Variants in PUDP observed in about 807,000 individuals in gnomAD.
PUDP encodes the protein pseudouridine-5'-phosphatase.
Under a neutral mutation model 9.4 loss-of-function variants are expected in PUDP, and 8 were observed. That is an observed-to-expected ratio of 0.85 (90% CI 0.50 to 1.53). PUDP has a LOEUF of 1.53. Ranked by LOEUF, PUDP falls within the 40% of genes most tolerant of loss-of-function variation. PUDP has a pLI of 0.00. For synonymous variants in PUDP, 99 were observed against 80.7 expected (o/e 1.23, Z -1.22); for missense variants, 188 against 189.7 (o/e 0.99, Z 0.05).
At chrX:7,074,851 G>A (rs1389954042) in intron 3 of PUDP, among the ~76,000 whole-genome samples, 1 of 112,273 alleles carries the variant, frequency 8.9e-6, no homozygotes, top group African/African-American at 3.2e-5. Flanking sequence ...TGTTCCAGCC[G>A]CACCTGGAGG....
chrX:6,737,635 G>A (rs1168008527), intron 3 of PUDP, among the ~76,000 whole-genome samples: 2 of 110,644 alleles, frequency 1.8e-5, no homozygotes, highest in Non-Finnish European at 3.8e-5. Context: ...TGGGGCCACA[G>A]AAGTGATGGC....
intron 1 of PUDP, among the ~76,000 whole-genome samples, chrX:6,999,694 G>A (rs1053051354): frequency 9.1e-6 from 1 of 109,947 alleles, no homozygotes; most frequent in Admixed American, 9.7e-5. Context: ...ATATACTGCT[G>A]GGGTGATGGG....
chrX:6,895,016 C>A (rs1242977986), intron 3 of PUDP, among the ~76,000 whole-genome samples: 1 of 110,683 alleles, frequency 9.0e-6, no homozygotes, highest in Non-Finnish European at 1.9e-5. Flanking sequence ...ATGCTGACCA[C>A]CAGAAAAGCC....
At chrX:6,752,782 G>A (rs1165416394) in intron 3 of PUDP, among the ~76,000 whole-genome samples, 2 of 111,298 alleles carry the variant, frequency 1.8e-5, no homozygotes, top group African/African-American at 6.5e-5. Context: ...GAAGAAGAGG[G>A]AAAAGATATT....
At position 7,024,754 on chromosome X, in the gene PUDP, C is replaced by CTTTTTTTTT. The variant is rs55692944; in HGVS notation, c.205-46420_205-46412dup. Among the ~76,000 whole-genome samples, 7 of 54,441 alleles carry CTTTTTTTTT rather than the reference C, an allele frequency of 1.3e-4. 1 individual carries two copies. The highest frequency in any genetic ancestry group is 6.2e-4 in the Admixed American group (3 of 4,867). 47.3% of individuals were successfully genotyped at this position (54,441 alleles called of 115,157 possible). ...GGCGCTCGCCACCTCGCCCGGCTAA[C>CTTTTTTTTT]TTTTTTTTTTTTTTTTTTAGTAGAG... is the stretch of plus-strand genomic sequence containing the variant. On this transcript the variant is annotated intron_variant and NMD_transcript_variant, in intron 1 of 3. Transcript: ENST00000655425.
chrX:6,727,741 G>C (rs1015521687), intron 3 of PUDP, among the ~76,000 whole-genome samples: 6 of 111,881 alleles, frequency 5.4e-5, no homozygotes, highest in Admixed American at 3.8e-4. Flanking sequence ...TAGAATTATG[G>C]GGGGCTACCT....
At chrX:7,023,253 T>G (rs1235587313) in intron 1 of PUDP, among the ~76,000 whole-genome samples, 1 of 111,932 alleles carries the variant, frequency 8.9e-6, no homozygotes, top group Non-Finnish European at 1.9e-5. Flanking sequence ...CAAAAATATT[T>G]GCAGGAATAT....
intron 3 of PUDP, among the ~76,000 whole-genome samples, chrX:7,074,521 T>C (rs1389832165): frequency 8.9e-6 from 1 of 112,541 alleles, no homozygotes; most frequent in East Asian, 2.8e-4. Flanking sequence ...ACAAGGCAAA[T>C]ATTTCACCTT....
chrX:7,111,307 C>G (rs1932042137), intron 1 of PUDP, among the ~76,000 whole-genome samples: 1 of 111,082 alleles, frequency 9.0e-6, no homozygotes, highest in Non-Finnish European at 1.9e-5. Context: ...ATGGGAAGGC[C>G]TGATTTTGCT....
intron 3 of PUDP, among the ~76,000 whole-genome samples, chrX:6,901,101 T>C (rs1927678973): frequency 9.0e-6 from 1 of 111,617 alleles, no homozygotes; most frequent in Admixed American, 9.5e-5. Flanking sequence ...AATTGCTCCA[T>C]GGGGACTAAT....
At chrX:6,737,280 C>T (rs779744029) in intron 3 of PUDP, among the ~76,000 whole-genome samples, 11 of 112,454 alleles carry the variant, frequency 9.8e-5, no homozygotes, top group African/African-American at 3.5e-4. Flanking sequence ...TGGTTTTAAA[C>T]CATGCAGTTT....
intron 3 of PUDP, among the ~76,000 whole-genome samples, chrX:6,928,787 A>G (rs989876882): frequency 4.5e-5 from 5 of 111,110 alleles, no homozygotes; most frequent in Admixed American, 3.8e-4. Context: ...GGTCCCAGCT[A>G]CTAGTGAGGC....
chrX:6,795,126 G>T (rs1317437176), intron 3 of PUDP, among the ~76,000 whole-genome samples: 5 of 110,335 alleles, frequency 4.5e-5, no homozygotes, highest in African/African-American at 1.3e-4. Context: ...GGTTGGGATT[G>T]TCACTAGGCG....
At chrX:6,835,971 G>A (rs1009811862) in intron 3 of PUDP, among the ~76,000 whole-genome samples, 1 of 109,655 alleles carries the variant, frequency 9.1e-6, no homozygotes, top group Non-Finnish European at 1.9e-5. Context: ...CACCTGCCTC[G>A]GCCTCCCGAA....
intron 3 of PUDP, among the ~76,000 whole-genome samples, chrX:6,875,425 C>T (rs1455942582): frequency 1.8e-5 from 2 of 111,644 alleles, no homozygotes; most frequent in African/African-American, 6.5e-5. Context: ...ATCTCCCACA[C>T]ATGAGCACAC....
At chrX:6,710,242 A>C (rs186403148) in intron 1 of PUDP, among the ~76,000 whole-genome samples, 2 of 112,452 alleles carry the variant, frequency 1.8e-5, no homozygotes, top group East Asian at 5.6e-4. Flanking sequence ...CACACTAATG[A>C]TATAATCGTC....
At chrX:7,019,051 G>A (rs1929593077) in intron 1 of PUDP, among the ~76,000 whole-genome samples, 1 of 111,908 alleles carries the variant, frequency 8.9e-6, no homozygotes, top group Non-Finnish European at 1.9e-5. Flanking sequence ...ATCTCCCCAT[G>A]ACCTTTTTTA....
intron 3 of PUDP, among the ~76,000 whole-genome samples, chrX:6,947,650 G>A (rs1928488698): frequency 1.8e-5 from 2 of 111,060 alleles, no homozygotes; most frequent in South Asian, 3.8e-4. Flanking sequence ...AAATTAGCCA[G>A]GTATGGTGGC....
chrX:7,080,677 G>A (rs1426415099), intron 2 of PUDP, among the ~76,000 whole-genome samples: 1 of 112,072 alleles, frequency 8.9e-6, no homozygotes, highest in Non-Finnish European at 1.9e-5. Context: ...CCACTGATTA[G>A]TATCACAGAG....
Sources: allele counts gnomAD v4.1 joint callset (sites outside exome capture counted in the v4.1 genomes callset), GRCh38; gene constraint gnomAD v4.1.1; transcripts MANE v1.5; gene names NCBI Gene and HGNC (gene_info 2026-07-23, HGNC 2026-07-21).